FAM107B: variants seen among roughly 807,000 people sequenced by gnomAD.
The protein encoded by FAM107B is family with sequence similarity 107 member B.
FAM107B carries 21 observed loss-of-function variants against 31.5 expected under a neutral mutation model. The observed-to-expected ratio is 0.67, with a 90% CI of 0.47 to 0.96. The LOEUF (loss-of-function observed/expected upper bound fraction) is 0.96, where lower values mean the gene tolerates loss of function less well. Among genes scored for constraint, FAM107B ranks in the 40% least tolerant of loss-of-function variants. The pLI is 0.00. For synonymous variants in FAM107B, 157 were observed against 141.5 expected, an observed-to-expected ratio of 1.11 and a Z score of -0.78; for missense variants, 452 against 377.1, an observed-to-expected ratio of 1.20 and a Z score of -1.64.
intron 2 of FAM107B, among the ~76,000 whole-genome samples, chr10:14,536,967 G>A (rs1847680742): frequency 6.6e-6 from 1 of 152,120 alleles, no homozygotes; most frequent in African/African-American, 2.4e-5. Context: ...TTACAAATAA[G>A]GCACATATTT....
intron 2 of FAM107B, among the ~76,000 whole-genome samples, chr10:14,604,853 C>T (rs550654202): frequency 7.6e-6 from 1 of 132,296 alleles, no homozygotes; most frequent in Admixed American, 7.4e-5. Context: ...CTCTCATTCT[C>T]TCCCTCATTC....
intron 2 of FAM107B, among the ~76,000 whole-genome samples, chr10:14,559,041 C>T (rs1352722755): frequency 6.6e-6 from 1 of 150,518 alleles, no homozygotes; most frequent in African/African-American, 2.4e-5. Context: ...TCCCTTCCAA[C>T]GCAGTCCAGC....
At chr10:14,700,623 G>T (rs963060579) in intron 1 of FAM107B, among the ~76,000 whole-genome samples, 5 of 151,970 alleles carry the variant, frequency 3.3e-5, no homozygotes, top group African/African-American at 7.3e-5. Flanking sequence ...TCCTGAGCTT[G>T]ATCCATGATG....
At chr10:14,704,794 C>A (rs900546667) in intron 1 of FAM107B, among the ~76,000 whole-genome samples, 1 of 151,958 alleles carries the variant, frequency 6.6e-6, no homozygotes, top group Non-Finnish European at 1.5e-5. Context: ...GAGGCCAAGG[C>A]GGGTAGATTA....
At chr10:14,723,514 T>C in intron 1 of FAM107B, 2 of 611,182 alleles carry the variant, frequency 3.3e-6, no homozygotes, top group South Asian at 3.1e-5. Context: ...GCACAAAACT[T>C]CCCAGGCCAG....
At chr10:14,640,000 AT>A (rs1211494333) in intron 2 of FAM107B, among the ~76,000 whole-genome samples, 2 of 152,214 alleles carry the variant, frequency 1.3e-5, no homozygotes, top group African/African-American at 4.8e-5. Flanking sequence ...TTGTATACTG[AT>A]GCTGATCTTG....
intron 1 of FAM107B, among the ~76,000 whole-genome samples, chr10:14,739,035 T>A (rs1359343019): frequency 6.6e-6 from 1 of 152,216 alleles, no homozygotes; most frequent in Non-Finnish European, 1.5e-5. Flanking sequence ...TGGAGCCTTA[T>A]GGTTTACACT....
At chr10:14,645,707 C>T (rs903433788) in intron 2 of FAM107B, among the ~76,000 whole-genome samples, 1 of 152,172 alleles carries the variant, frequency 6.6e-6, no homozygotes, top group African/African-American at 2.4e-5. Flanking sequence ...AGACAAACAG[C>T]GGCAATTCCA....
rs3035297 is a variant in FAM107B, at chr10:14,663,887, C to CAAAAAAAA, written c.469+3739_469+3746dup. ...GATGCCCAAGAATTAGATCATCAGCCAAAAAAAAAAAAAAAAAAAAAAAAA... is the reference window on the plus strand; with the variant it reads ...GATGCCCAAGAATTAGATCATCAGCCAAAAAAAAAAAAAAAAAAAAAAAAAAAAAAAAA... On this transcript the variant is annotated intron_variant, in intron 2 of 4. Coordinates refer to ENST00000181796, the MANE Select transcript of FAM107B (RefSeq NM_031453.4). 2.4e-4 allele frequency among the ~76,000 whole-genome samples: 19 copies of CAAAAAAAA among 80,376 alleles called. 1 individual carries two copies. Among genetic ancestry groups the CAAAAAAAA allele is most frequent in the African/African-American group, 6.9e-4 (12 of 17,428 alleles). 52.7% of individuals were successfully genotyped at this position (80,376 alleles called of 152,430 possible).
In FAM107B at chr10:14,521,079, C is replaced by T; in HGVS notation, c.*111G>A. 1 of 869,414 alleles carries T rather than the reference C, an allele frequency of 1.2e-6. No homozygotes were observed. The highest frequency in any genetic ancestry group is 2.5e-5 in the Admixed American group (1 of 40,390). 53.9% of individuals were successfully genotyped at this position (869,414 alleles called of 1,614,324 possible). On this transcript the variant is annotated 3_prime_UTR_variant, in exon 5 of 5. Coordinates refer to ENST00000181796, the MANE Select transcript of FAM107B (RefSeq NM_031453.4). ...AATCAAACCAAATCCTACTGCAAGT[C>T]AAAATTCTCTGCTGGCTGAAATATT...
intron 1 of FAM107B, among the ~76,000 whole-genome samples, chr10:14,701,091 A>G (rs978363274): frequency 5.9e-5 from 9 of 152,154 alleles, no homozygotes; most frequent in Non-Finnish European, 1.3e-4. Context: ...CACTTCTATT[A>G]AGACATTTTT....
chr10:14,713,101 A>G (rs1367864762), intron 1 of FAM107B, among the ~76,000 whole-genome samples: 1 of 152,164 alleles, frequency 6.6e-6, no homozygotes, highest in Non-Finnish European at 1.5e-5. Context: ...ATCACACTCA[A>G]ATCCTCCCTC....
At chr10:14,664,714 C>A (rs1588692724) in intron 2 of FAM107B, among the ~76,000 whole-genome samples, 2 of 152,316 alleles carry the variant, frequency 1.3e-5, no homozygotes, top group East Asian at 3.9e-4. Flanking sequence ...ATGTATCCTC[C>A]TCCTCATTCT....
chr10:14,748,514 G>A (rs1205233840), intron 1 of FAM107B, among the ~76,000 whole-genome samples: 1 of 152,222 alleles, frequency 6.6e-6, no homozygotes, highest in Non-Finnish European at 1.5e-5. Flanking sequence ...CTTACAATCT[G>A]AGGTATGTCC....
chr10:14,582,094 A>AAG (rs1851653940), intron 2 of FAM107B, among the ~76,000 whole-genome samples: 1 of 152,148 alleles, frequency 6.6e-6, no homozygotes, highest in Non-Finnish European at 1.5e-5. Flanking sequence ...ATAAGAATAA[A>AAG]ACCCTGTCTT....
intron 2 of FAM107B, among the ~76,000 whole-genome samples, chr10:14,586,551 G>C (rs1330713912): frequency 6.6e-6 from 1 of 152,120 alleles, no homozygotes; most frequent in Admixed American, 6.5e-5. Flanking sequence ...CTTAGAAAAA[G>C]AGACACCAGG....
At chr10:14,596,110 C>G (rs1852181087) in intron 2 of FAM107B, among the ~76,000 whole-genome samples, 1 of 152,218 alleles carries the variant, frequency 6.6e-6, no homozygotes, top group Admixed American at 6.5e-5. Flanking sequence ...TCTGGCCATT[C>G]CTTCCATAGC....
At chr10:14,602,703 G>C (rs1852438884) in intron 2 of FAM107B, 1 of 152,072 alleles carries the variant, frequency 6.6e-6, no homozygotes, top group Admixed American at 6.5e-5. Flanking sequence ...TTCATTTAAA[G>C]ACAAAAGTCA....
intron 1 of FAM107B, among the ~76,000 whole-genome samples, chr10:14,684,557 C>A (rs1433707711): frequency 1.3e-5 from 2 of 152,112 alleles, no homozygotes; most frequent in African/African-American, 4.8e-5. Context: ...TCCTAATAGC[C>A]TAATATGTTA....
Sources: allele counts gnomAD v4.1 joint callset (sites outside exome capture counted in the v4.1 genomes callset), GRCh38; gene constraint gnomAD v4.1.1; transcripts MANE v1.5; gene names NCBI Gene and HGNC (gene_info 2026-07-23, HGNC 2026-07-21).